The following BRD4 variants were observed in gnomAD, a reference collection of about 807,000 sequenced individuals.
The protein encoded by BRD4 is bromodomain containing 4, also known as bromodomain-containing protein 4.
In BRD4, 16 loss-of-function variants were observed where a neutral mutation model predicts 142.1. That is an observed-to-expected ratio of 0.11 (90% CI 0.08 to 0.17). The LOEUF is 0.17. BRD4 is among the 10% of genes least tolerant of loss of function. BRD4 has a pLI of 1.00. For missense variants in BRD4, 1,424 were observed against 1,810.9 expected (o/e 0.79, Z 3.88); for synonymous variants, 833 against 707.5 (o/e 1.18, Z -2.82).
At chr19:15,298,759 T>C (rs530861327) in intron 1 of BRD4, among the ~76,000 whole-genome samples, 67 of 148,290 alleles carry the variant, frequency 4.5e-4, no homozygotes, top group African/African-American at 1.6e-3. Flanking sequence ...GCCAAAATTA[T>C]AACAATCTAC....
intron 1 of BRD4, among the ~76,000 whole-genome samples, chr19:15,278,464 G>A (rs1283254639): frequency 6.7e-6 from 1 of 150,054 alleles, no homozygotes; most frequent in East Asian, 2.0e-4. Context: ...GAACCCGGGA[G>A]GTGGAGGTTG....
At chr19:15,263,281 A>C (rs2047494142) in intron 7 of BRD4, 139 bp downstream of exon 7, 2 of 1,105,480 alleles carry the variant, frequency 1.8e-6, no homozygotes, top group African/African-American at 1.6e-5. Flanking sequence ...GGCTGACTTT[A>C]GGCACTTTTC....
At chr19:15,252,427 G>T (rs577650413) in intron 11 of BRD4, among the ~76,000 whole-genome samples, 2 of 152,364 alleles carry the variant, frequency 1.3e-5, no homozygotes, top group African/African-American at 4.8e-5. Flanking sequence ...TAGAAAACAG[G>T]AGGTGCAAAA....
At chr19:15,318,060 CAGAT>C (rs547619466) in intron 1 of BRD4, among the ~76,000 whole-genome samples, 4 of 152,226 alleles carry the variant, frequency 2.6e-5, no homozygotes, top group Non-Finnish European at 5.9e-5. Flanking sequence ...AACCTACACA[CAGAT>C]AGCACCACCT....
chr19:15,309,162 T>C (rs2047943874), intron 1 of BRD4, among the ~76,000 whole-genome samples: 1 of 151,324 alleles, frequency 6.6e-6, no homozygotes, highest in Non-Finnish European at 1.5e-5. Context: ...CGAAACCCCA[T>C]CTCTACTAAA....
At chr19:15,254,897 G>C (rs576844405) in intron 10 of BRD4, among the ~76,000 whole-genome samples, 2 of 152,322 alleles carry the variant, frequency 1.3e-5, no homozygotes, top group Admixed American at 1.3e-4. Flanking sequence ...AACTGTCCCT[G>C]CTAGAGAGGG....
At chr19:15,280,535 T>TA (rs1369376105) in intron 1 of BRD4, 1 of 794,922 alleles carries the variant, frequency 1.3e-6, no homozygotes. Flanking sequence ...TCCCGTGTCA[T>TA]AGGTGAAATC....
At chr19:15,249,429 C>T in intron 11 of BRD4, 1 of 1,467,898 alleles carries the variant, frequency 6.8e-7, no homozygotes, top group Admixed American at 1.9e-5. Context: ...GCACTGGAGA[C>T]TGGAGCCCTG....
intron 1 of BRD4, among the ~76,000 whole-genome samples, chr19:15,291,432 G>T (rs529818903): frequency 6.6e-6 from 1 of 152,300 alleles, no homozygotes; most frequent in African/African-American, 2.4e-5. Context: ...CTAAAATTAG[G>T]AGATGGTAAA....
intron 11 of BRD4, among the ~76,000 whole-genome samples, chr19:15,250,897 G>A (rs1327588094): frequency 6.6e-6 from 1 of 152,162 alleles, no homozygotes; most frequent in African/African-American, 2.4e-5. Flanking sequence ...CCTCCAGCCT[G>A]CTCCACCCAG....
At chr19:15,283,633 T>C (rs200540317) in intron 1 of BRD4, among the ~76,000 whole-genome samples, 1 of 152,228 alleles carries the variant, frequency 6.6e-6, no homozygotes, top group East Asian at 1.9e-4. Flanking sequence ...AGTCCTGTTA[T>C]GTGTAAGTGG....
chr19:15,278,955 C>A (rs1000444644), intron 1 of BRD4, among the ~76,000 whole-genome samples: 2 of 152,164 alleles, frequency 1.3e-5, no homozygotes, highest in Non-Finnish European at 2.9e-5. Context: ...AATTCTCCGG[C>A]CTCAGCCTCC....
At chr19:15,267,135 C>T (rs1029208312) in intron 4 of BRD4, among the ~76,000 whole-genome samples, 13 of 152,164 alleles carry the variant, frequency 8.5e-5, no homozygotes, top group African/African-American at 1.7e-4. Context: ...GTTCAACAAA[C>T]GTCAAAGTGC....
At position 15,238,327 on chromosome 19, in the gene BRD4, A is replaced by G. The variant is rs2047210165; in HGVS notation, c.*50T>C. Reference sequence around the variant, plus strand: ...TCCACCACCGCCCCTAACACTATGGAAAGTCAATGTTTTGCCAGAAAATCA... The same window carrying G: ...TCCACCACCGCCCCTAACACTATGGGAAGTCAATGTTTTGCCAGAAAATCA... On this transcript the variant is annotated 3_prime_UTR_variant, in exon 20 of 20. Transcript: ENST00000679869. This position sits in a 1 kb window ranked among gnomAD's most constrained non-coding sequence, Gnocchi z 7.2. 2 of 1,612,172 alleles carry G rather than the reference A, an allele frequency of 1.2e-6. No homozygotes were observed. The highest frequency in any genetic ancestry group is 2.2e-5 in the East Asian group (1 of 44,870).
chr19:15,302,798 G>T (rs971840087), intron 1 of BRD4, among the ~76,000 whole-genome samples: 2 of 151,508 alleles, frequency 1.3e-5, no homozygotes, highest in Admixed American at 6.6e-5. Flanking sequence ...GAGGTTAGGA[G>T]ATCGAGACCA....
chr19:15,254,014 G>C (rs2047378749), intron 11 of BRD4, 138 bp downstream of exon 11: 1 of 762,982 alleles, frequency 1.3e-6, no homozygotes, highest in Admixed American at 2.3e-5. Context: ...AGTTAACAAA[G>C]AGACAGACAG....
chr19:15,273,171 C>T lies in BRD4; in HGVS notation c.-34-38G>A. The stretch of plus-strand genomic sequence containing the variant: ...AGAAGAGCCCCCGTGAGATATCAGT[C>T]AGCAGATGGGCACCGCTCAGAATGA... On this transcript the variant is annotated intron_variant, in intron 1 of 19. Coordinates refer to ENST00000679869, the MANE Select transcript of BRD4 (RefSeq NM_001379291.1). 5 of 1,509,962 alleles carry T rather than the reference C, an allele frequency of 3.3e-6. No individual in the cohort carries two copies. The South Asian group carries it at 6.5e-5, about 20-fold the overall frequency. The allele number at this position is 1,509,962 out of a possible 1,614,324, so 93.5% of individuals were successfully genotyped here.
intron 1 of BRD4, among the ~76,000 whole-genome samples, chr19:15,299,487 G>C (rs2047850608): frequency 6.6e-6 from 1 of 152,162 alleles, no homozygotes; most frequent in South Asian, 2.1e-4. Context: ...TGGTGGGTAG[G>C]GGGTGAATGA....
chr19:15,319,735 AGCCT>A (rs2145727416), intron 1 of BRD4, among the ~76,000 whole-genome samples: 1 of 152,250 alleles, frequency 6.6e-6, no homozygotes, highest in East Asian at 1.9e-4. Context: ...ACTCCAGACC[AGCCT>A]GCCTAAGCAA....
Sources: gnomAD v4.1 joint callset for allele counts (sites outside exome capture counted in the v4.1 genomes callset) on GRCh38, gnomAD v4.1.1 for gene constraint, Gnocchi (gnomAD v3.1) non-coding constraint, MANE v1.5 for transcripts, NCBI Gene and HGNC (gene_info 2026-07-23, HGNC 2026-07-21) for gene names.